Variants in UNC13A observed in about 807,000 individuals in gnomAD.
UNC13A encodes protein unc-13 homolog A.
UNC13A carries 61 observed loss-of-function variants against 219.7 expected under a neutral mutation model. That is an observed-to-expected ratio of 0.28 (90% CI 0.23 to 0.34). The LOEUF (loss-of-function observed/expected upper bound fraction) is 0.34, where lower values mean the gene tolerates loss of function less well. Among genes scored for constraint, UNC13A ranks in the 10% least tolerant of loss-of-function variants. The probability of loss-of-function intolerance (pLI) is 1.00; values close to 1 mark genes in which losing one functional copy is unlikely to be tolerated. For synonymous variants in UNC13A, 920 were observed against 884.6 expected, an observed-to-expected ratio of 1.04 and a Z score of -0.71; for missense variants, 1,476 against 2,270.3, an observed-to-expected ratio of 0.65 and a Z score of 7.11.
intron 30 of UNC13A, 74 bp downstream of exon 30, chr19:17,630,071 C>T (rs964436320): frequency 5.4e-6 from 8 of 1,482,544 alleles, no homozygotes; most frequent in Middle Eastern, 2.0e-4. Flanking sequence ...AACCTTAGCC[C>T]ATCTCCAACT....
intron 1 of UNC13A, among the ~76,000 whole-genome samples, chr19:17,678,011 T>C (rs992636226): frequency 6.6e-6 from 1 of 152,198 alleles, no homozygotes; most frequent in Non-Finnish European, 1.5e-5. Context: ...GATAAATTCC[T>C]AGAAACAGAA....
chr19:17,666,434 C>T (rs182232457), intron 7 of UNC13A, among the ~76,000 whole-genome samples: 6 of 152,092 alleles, frequency 3.9e-5, no homozygotes, highest in Admixed American at 1.3e-4. Context: ...AGGCTGGTCT[C>T]GAACTCCTGA....
chr19:17,680,287 C>G (rs918248404), intron 1 of UNC13A, among the ~76,000 whole-genome samples: 4 of 152,222 alleles, frequency 2.6e-5, no homozygotes, highest in Non-Finnish European at 4.4e-5. Flanking sequence ...CCGCCACCTC[C>G]CCGCCTGCGC....
At chr19:17,620,578 A>C in intron 38 of UNC13A, 115 bp downstream of exon 38, 1 of 998,416 alleles carries the variant, frequency 1.0e-6, no homozygotes, top group Non-Finnish European at 1.5e-6. Flanking sequence ...AGACCAACAG[A>C]CAGGTTCACA....
chr19:17,655,190 G>A, intron 11 of UNC13A, 84 bp downstream of exon 11: 1 of 1,130,996 alleles, frequency 8.8e-7, no homozygotes, highest in South Asian at 1.3e-5. Flanking sequence ...ATATAGGTGT[G>A]GGTGTGGCCA....
At chr19:17,615,438 C>G (rs181025980) in intron 41 of UNC13A, among the ~76,000 whole-genome samples, 34 of 151,990 alleles carry the variant, frequency 2.2e-4, no homozygotes, top group Middle Eastern at 6.8e-3. Context: ...TTTGGAAGGC[C>G]GAGGCCAAGA....
intron 8 of UNC13A, among the ~76,000 whole-genome samples, chr19:17,660,927 ATTT>A (rs2079540136): frequency 6.6e-6 from 1 of 150,540 alleles, no homozygotes. Context: ...AATTGATTTT[ATTT>A]ATTTATTTTA....
At chr19:17,684,383 G>A (rs1010167502) in intron 1 of UNC13A, among the ~76,000 whole-genome samples, 15 of 152,246 alleles carry the variant, frequency 9.9e-5, no homozygotes, top group African/African-American at 2.2e-4. Context: ...CCCATGGGAC[G>A]TGCAGGAGTG....
chr19:17,626,914 C>A, intron 33 of UNC13A, 129 bp from the exon 34 acceptor site: 1 of 1,348,818 alleles, frequency 7.4e-7, no homozygotes, highest in East Asian at 2.7e-5. Context: ...GGAGAACAGG[C>A]CAGATGCGGT....
chr19:17,636,661 C>A (rs9653150), intron 25 of UNC13A, among the ~76,000 whole-genome samples: 11 of 152,200 alleles, frequency 7.2e-5, no homozygotes, highest in African/African-American at 2.4e-4. Flanking sequence ...GGAAATAAAT[C>A]GACTCGAACT....
At chr19:17,607,489 C>T (rs10439159) in intron 43 of UNC13A, among the ~76,000 whole-genome samples, 1 of 142,628 alleles carries the variant, frequency 7.0e-6, no homozygotes, top group Non-Finnish European at 1.5e-5. Flanking sequence ...ATGTTGGCCA[C>T]GCTGGTCTCG....
chr19:17,672,516 G>A (rs1568271467), intron 3 of UNC13A, 21 bp from the exon 4 acceptor site: 1 of 1,606,462 alleles, frequency 6.2e-7, no homozygotes, highest in Non-Finnish European at 8.5e-7. Context: ...AGGAGAGGGG[G>A]CGTCGAGGGA....
chr19:17,666,199 T>TCTCTCTCTCTCTTTC (rs760106069), intron 7 of UNC13A, among the ~76,000 whole-genome samples: 12 of 144,176 alleles, frequency 8.3e-5, no homozygotes, highest in South Asian at 2.2e-4. Flanking sequence ...CTTTCTCTCT[T>TCTCTCTCTCTCTTTC]TCTTTCTCTT....
chr19:17,669,764 C>T, intron 4 of UNC13A, 88 bp from the exon 5 acceptor site: 1 of 1,441,660 alleles, frequency 6.9e-7, no homozygotes, highest in Non-Finnish European at 9.2e-7. Context: ...ACATCCCCCT[C>T]ACCCCTACCC....
Position 17,627,718 on chromosome 19 carries a change from C to A in UNC13A, c.3832-121G>T, listed in dbSNP as rs73524097. ...CTGCAGGGGAAACTGAGGCACAGACCGTTATGCTGCAAGCCTGGGTTTAAG... is the reference window on the plus strand; with the variant it reads ...CTGCAGGGGAAACTGAGGCACAGACAGTTATGCTGCAAGCCTGGGTTTAAG... On this transcript the variant is annotated intron_variant, in intron 32 of 43. Coordinates refer to ENST00000519716, the MANE Select transcript of UNC13A (RefSeq NM_001080421.3). The surrounding 1 kb of genome is among the most constrained non-coding windows in gnomAD (Gnocchi z 4.7). 23,074 of 1,242,762 alleles carry A rather than the reference C, an allele frequency of 0.019. 3,045 individuals carry two copies. In the African/African-American group the frequency reaches 0.29, roughly 16 times the overall value. The allele number at this position is 1,242,762 out of a possible 1,614,324, so 77.0% of individuals were successfully genotyped here.
chr19:17,612,879 G>A, intron 41 of UNC13A, among the ~76,000 whole-genome samples: 1 of 151,850 alleles, frequency 6.6e-6, no homozygotes, highest in Non-Finnish European at 1.5e-5. Context: ...ACATTTAAAA[G>A]TCAGATCATG....
In UNC13A at chr19:17,611,798, T is replaced by A. The variant is rs758784380; in HGVS notation, c.4616A>T (p.His1539Leu). ...EVSVHVELFT[H>L]PGTGEHKVTV... Reference sequence around the variant, plus strand: ...GACCTTGTGTTCCCCAGTTCCTGGATGAGTGAACAGCTCAACATGGACAGA... The same window carrying A: ...GACCTTGTGTTCCCCAGTTCCTGGAAGAGTGAACAGCTCAACATGGACAGA... The change falls in exon 42 of 44, where the codon CAT becomes CTT. Residue 1539 changes from histidine (H) to leucine (L), a missense_variant. Physicochemically the swap from His to Leu is moderately conservative, Grantham distance 99. Around this residue, in one of 14 missense-constraint regions of UNC13A, gnomAD observed 77 missense variants for 94.8 expected, o/e 0.81. Coordinates refer to ENST00000519716, the MANE Select transcript of UNC13A (RefSeq NM_001080421.3). The A allele has an allele frequency of 1.9e-6, 3 of 1,614,088 alleles. No individual in the cohort carries two copies. The African/African-American group carries it at 4.0e-5, about 22-fold the overall frequency.
chr19:17,610,277 G>C (rs1335326997), intron 42 of UNC13A, among the ~76,000 whole-genome samples, 178 bp from the exon 43 acceptor site: 1 of 151,686 alleles, frequency 6.6e-6, no homozygotes, highest in Non-Finnish European at 1.5e-5. Context: ...ACCAGCCTGG[G>C]CAACATGGTG....
chr19:17,619,364 TCC>T (rs2076702837), intron 38 of UNC13A, among the ~76,000 whole-genome samples: 1 of 134,848 alleles, frequency 7.4e-6, no homozygotes, highest in African/African-American at 2.6e-5. Context: ...CACTTCCTCC[TCC>T]TCAAGGAGCA....
Sources: gnomAD v4.1 joint callset for allele counts (sites outside exome capture counted in the v4.1 genomes callset) on GRCh38, gnomAD v4.1.1 for gene constraint, gnomAD v4.1.1 regional missense constraint, Gnocchi (gnomAD v3.1) non-coding constraint, MANE v1.5 for transcripts, NCBI Gene and HGNC (gene_info 2026-07-23, HGNC 2026-07-21) for gene names.